TLL1: variants seen among roughly 807,000 people sequenced by gnomAD.
The protein encoded by TLL1 is tolloid-like protein 1.
In TLL1, 49 loss-of-function variants were observed where a neutral mutation model predicts 128.2. The ratio of observed to expected loss-of-function variants is 0.38; its 90% CI spans 0.30 to 0.48. The LOEUF is 0.48. TLL1 is among the 20% of genes least tolerant of loss of function. TLL1 has a pLI of 0.96. For synonymous variants in TLL1, 454 were observed against 418.8 expected, an observed-to-expected ratio of 1.08 and a Z score of -1.03; for missense variants, 1,123 against 1,242.0, an observed-to-expected ratio of 0.90 and a Z score of 1.44.
At chr4:165,897,347 T>C (rs1392434286) in intron 1 of TLL1, among the ~76,000 whole-genome samples, 5 of 152,228 alleles carry the variant, frequency 3.3e-5, no homozygotes, top group African/African-American at 9.6e-5. Flanking sequence ...TTCTAAGGTT[T>C]TTATGGATTA....
rs1196493949 is a variant in TLL1, at chr4:165,983,438, A to C, written c.170-5943A>C. Among the ~76,000 whole-genome samples the C allele has an allele frequency of 9.2e-5, 14 of 151,936 alleles. 1 individual carries two copies. Among genetic ancestry groups the C allele is most frequent in the Non-Finnish European group, 2.1e-4 (14 of 67,840 alleles). On this transcript the variant is annotated intron_variant, in intron 1 of 20. Transcript: ENST00000061240. ...CAACATGCTGCTTGTGTCTAAGTTC[A>C]GAATGGATTGATCAATTTTGATTCA...
chr4:166,100,815 A>G lies in TLL1; in HGVS notation c.2981A>G (p.Lys994Arg). The change falls in exon 21 of 21, where the codon AAG (lysine) becomes AGG (arginine). Residue 994 changes from lysine (K) to arginine (R), a missense_variant. Lys to Arg is a conservative substitution (Grantham distance 26). Around this residue, in one of 3 missense-constraint regions of TLL1, gnomAD observed 634 missense variants for 672.4 expected, o/e 0.94. Transcript: ENST00000061240. Reference sequence around the variant, plus strand: ...CACACTGATGACACAATCAACAAGAAGGGATTTCATATAAGATACAAAAGC... The same window carrying G: ...CACACTGATGACACAATCAACAAGAGGGGATTTCATATAAGATACAAAAGC... ...HFHTDDTINK[K>R]GFHIRYKSIR... The G allele has an allele frequency of 1.2e-6, 2 of 1,613,078 alleles. No homozygotes were observed. The highest frequency in any genetic ancestry group is 1.7e-6 in the Non-Finnish European group (2 of 1,179,370).
At chr4:165,939,731 T>C (rs1213760373) in intron 1 of TLL1, among the ~76,000 whole-genome samples, 2 of 151,992 alleles carry the variant, frequency 1.3e-5, no homozygotes, top group African/African-American at 4.8e-5. Context: ...TTTAGTTTCA[T>C]TTAAGATAGT....
At chr4:165,921,449 T>C (rs1029786346) in intron 1 of TLL1, among the ~76,000 whole-genome samples, 1 of 152,178 alleles carries the variant, frequency 6.6e-6, no homozygotes, top group Non-Finnish European at 1.5e-5. Context: ...TTTTATTAGT[T>C]CCCCGTCTCC....
intron 14 of TLL1, among the ~76,000 whole-genome samples, chr4:166,059,037 TA>T (rs1173299019): frequency 1.8e-4 from 27 of 152,120 alleles, no homozygotes; most frequent in African/African-American, 5.3e-4. Context: ...TGAAGCAGTA[TA>T]TTTTTAAAAG....
chr4:165,901,538 C>T (rs1731988138), intron 1 of TLL1, among the ~76,000 whole-genome samples: 1 of 152,232 alleles, frequency 6.6e-6, no homozygotes, highest in Non-Finnish European at 1.5e-5. Context: ...TGGAGGTCCA[C>T]TCCAGACCCT....
intron 1 of TLL1, among the ~76,000 whole-genome samples, chr4:165,984,509 C>G (rs1358848262): frequency 6.6e-6 from 1 of 151,828 alleles, no homozygotes; most frequent in Non-Finnish European, 1.5e-5. Flanking sequence ...TTTCATTATG[C>G]CTTCATTGTG....
chr4:166,084,001 A>G (rs1242037334), intron 18 of TLL1, among the ~76,000 whole-genome samples: 2 of 152,048 alleles, frequency 1.3e-5, no homozygotes, highest in Non-Finnish European at 2.9e-5. Flanking sequence ...TACATTCCCA[A>G]CAACAGTATG....
rs567798501 is a variant in TLL1, at chr4:166,058,679, C to G, written c.1847-1349C>G. ...ACTCCAGTCTGTTCCTCCTTTATTC[C>G]TCTTTTAAAATTTCTGCAAAATTCA... On this transcript the variant is annotated intron_variant, in intron 14 of 20. Coordinates refer to ENST00000061240, the MANE Select transcript of TLL1 (RefSeq NM_012464.5). 3.9e-5 allele frequency among the ~76,000 whole-genome samples: 6 copies of G among 152,120 alleles called. No individual in the cohort carries two copies. The East Asian group carries it at 9.6e-4, about 24-fold the overall frequency.
intron 1 of TLL1, among the ~76,000 whole-genome samples, chr4:165,878,195 T>A (rs6821864): frequency 0.042 from 6,435 of 152,244 alleles, 434 homozygotes; most frequent in African/African-American, 0.14. Flanking sequence ...CATTTTCGAA[T>A]TTGATGTTCT....
At chr4:165,983,216 A>T (rs1055980282) in intron 1 of TLL1, among the ~76,000 whole-genome samples, 20 of 151,888 alleles carry the variant, frequency 1.3e-4, no homozygotes, top group African/African-American at 4.8e-4. Context: ...ATGATATTTT[A>T]AAAATGTCCT....
chr4:166,082,762 C>G (rs1040282206), intron 18 of TLL1, among the ~76,000 whole-genome samples: 2 of 152,120 alleles, frequency 1.3e-5, no homozygotes, highest in African/African-American at 4.8e-5. Flanking sequence ...ACTGCAACCT[C>G]TAACTCCCAG....
intron 18 of TLL1, among the ~76,000 whole-genome samples, chr4:166,084,546 G>C (rs1486027874): frequency 6.6e-6 from 1 of 152,042 alleles, no homozygotes; most frequent in African/African-American, 2.4e-5. Flanking sequence ...AATTCATTTA[G>C]AATTGGTTTT....
intron 1 of TLL1, among the ~76,000 whole-genome samples, chr4:165,962,593 T>C (rs1449791143): frequency 6.6e-6 from 1 of 152,146 alleles, no homozygotes; most frequent in Non-Finnish European, 1.5e-5. Flanking sequence ...GGAAAATAAA[T>C]TGATCTACCA....
intron 6 of TLL1, among the ~76,000 whole-genome samples, chr4:166,005,961 A>C (rs1737407054): frequency 1.3e-5 from 2 of 151,832 alleles, no homozygotes; most frequent in Admixed American, 6.6e-5. Flanking sequence ...CAACAGAAAA[A>C]AATCTATTGG....
chr4:166,096,444 C>T (rs1742027370), intron 19 of TLL1, among the ~76,000 whole-genome samples: 1 of 152,032 alleles, frequency 6.6e-6, no homozygotes, highest in Non-Finnish European at 1.5e-5. Flanking sequence ...TCCATAAAGA[C>T]AACTTCCAGT....
chr4:165,963,838 A>C (rs946893948), intron 1 of TLL1, among the ~76,000 whole-genome samples: 2 of 152,176 alleles, frequency 1.3e-5, no homozygotes, highest in Non-Finnish European at 2.9e-5. Flanking sequence ...GATGAAGTGA[A>C]AATGTGTGGT....
chr4:165,941,545 C>A (rs1734007815), intron 1 of TLL1, among the ~76,000 whole-genome samples: 1 of 152,104 alleles, frequency 6.6e-6, no homozygotes, highest in East Asian at 1.9e-4. Flanking sequence ...GTTTGTAATT[C>A]ATTGTTGCTG....
In TLL1 at chr4:166,042,189, C is replaced by T. The variant is rs373463106; in HGVS notation, c.1378+46C>T. On this transcript the variant is annotated intron_variant, in intron 11 of 20. Coordinates refer to ENST00000061240, the MANE Select transcript of TLL1 (RefSeq NM_012464.5). ...GAGAGTAGTTCATCTTATATCTCAA[C>T]AGAAATGTTCGTTTCTTAATTTCAT... 1.1e-4 allele frequency: 134 copies of T among 1,235,448 alleles called. 1 individual carries two copies. Among genetic ancestry groups the T allele is most frequent in the South Asian group, 1.0e-3 (86 of 83,318 alleles). The allele number at this position is 1,235,448 out of a possible 1,614,324, so 76.5% of individuals were successfully genotyped here. A position where few individuals can be genotyped will look rare whatever the true frequency, so the allele number is the denominator to read the frequency against.
Sources: gnomAD v4.1 joint callset for allele counts (sites outside exome capture counted in the v4.1 genomes callset) on GRCh38, gnomAD v4.1.1 for gene constraint, gnomAD v4.1.1 regional missense constraint, MANE v1.5 for transcripts, NCBI Gene and HGNC (gene_info 2026-07-23, HGNC 2026-07-21) for gene names.